The following GTF2IRD1 variants were observed in gnomAD, a reference collection of about 807,000 sequenced individuals.
GTF2IRD1 encodes GTF2I repeat domain containing 1.
A neutral mutation model predicts 113.2 loss-of-function variants in GTF2IRD1; 26 were observed. The ratio of observed to expected loss-of-function variants is 0.23; its 90% CI spans 0.17 to 0.32. The LOEUF (loss-of-function observed/expected upper bound fraction) is 0.32, where lower values mean the gene tolerates loss of function less well. Among genes scored for constraint, GTF2IRD1 ranks in the 10% least tolerant of loss-of-function variants. GTF2IRD1 has a pLI of 1.00. For missense variants in GTF2IRD1, 864 were observed against 1,280.8 expected (o/e 0.67, Z 4.97); for synonymous variants, 484 against 529.1 (o/e 0.91, Z 1.17).
intron 17 of GTF2IRD1, among the ~76,000 whole-genome samples, chr7:74,548,844 G>A (rs1163412630): frequency 6.6e-6 from 1 of 151,958 alleles, no homozygotes; most frequent in Non-Finnish European, 1.5e-5. Flanking sequence ...GGGTTTGGAG[G>A]CTCCAGTGAG....
intron 22 of GTF2IRD1, among the ~76,000 whole-genome samples, chr7:74,589,625 A>G (rs1801933335): frequency 6.6e-6 from 1 of 151,636 alleles, no homozygotes; most frequent in Non-Finnish European, 1.5e-5. Context: ...TTGAACCCAG[A>G]AGGCAGAGGT....
chr7:74,537,931 T>A (rs1372297277), intron 11 of GTF2IRD1, among the ~76,000 whole-genome samples: 2 of 152,140 alleles, frequency 1.3e-5, no homozygotes, highest in African/African-American at 4.8e-5. Flanking sequence ...CCCCTGGAGA[T>A]TGTGGTCCCT....
intron 5 of GTF2IRD1, 60 bp from the exon 6 acceptor site, chr7:74,519,349 A>C: frequency 2.3e-4 from 276 of 1,205,412 alleles, no homozygotes; most frequent in Non-Finnish European, 2.8e-4. Flanking sequence ...TTTCGGGGGA[A>C]GAGCTGCAAT....
rs587629098 is a variant in GTF2IRD1, at chr7:74,602,436, C to T, written c.*3C>T. ...TCCCGGGACCTCTTAATTACTAGAC[C>T]TCAGTACTGAATCAGGACCTCACTC... On this transcript the variant is annotated 3_prime_UTR_variant, in exon 27 of 27. Coordinates refer to ENST00000424337, the MANE Select transcript of GTF2IRD1 (RefSeq NM_005685.4). 1 of 1,611,084 alleles carries T rather than the reference C, an allele frequency of 6.2e-7. No homozygotes were observed. The highest frequency in any genetic ancestry group is 1.7e-5 in the Admixed American group (1 of 59,894).
chr7:74,574,578 G>A (rs1800901612), intron 22 of GTF2IRD1, among the ~76,000 whole-genome samples: 1 of 150,694 alleles, frequency 6.6e-6, no homozygotes, highest in African/African-American at 2.4e-5. Flanking sequence ...TCCTGCCTCA[G>A]CCTCCCAAGT....
At chr7:74,501,516 G>A (rs1796030573) in intron 1 of GTF2IRD1, among the ~76,000 whole-genome samples, 2 of 152,228 alleles carry the variant, frequency 1.3e-5, no homozygotes, top group South Asian at 2.1e-4. Context: ...CGTCATGGCC[G>A]AGCCCCTGGG....
rs1554356277 is a variant in GTF2IRD1, at chr7:74,555,126, A to T, written c.1917-48A>T. 3.8e-6 allele frequency: 6 copies of T among 1,576,172 alleles called. No individual in the cohort carries two copies. Among genetic ancestry groups the T allele is most frequent in the Non-Finnish European group, 5.2e-6 (6 of 1,149,298 alleles). On this transcript the variant is annotated intron_variant, in intron 17 of 26. Coordinates refer to ENST00000424337, the MANE Select transcript of GTF2IRD1 (RefSeq NM_005685.4). This position sits in a 1 kb window ranked among gnomAD's most constrained non-coding sequence, Gnocchi z 5.3. ...CCAGAGAGGAGGGCTGAGCAGTCCC[A>T]GAGATGCTTGGAGGGACCTCTGTGA... is the stretch of plus-strand genomic sequence containing the variant.
At chr7:74,571,696 G>A (rs1016096745) in intron 22 of GTF2IRD1, among the ~76,000 whole-genome samples, 7 of 152,018 alleles carry the variant, frequency 4.6e-5, no homozygotes, top group South Asian at 2.1e-4. Flanking sequence ...ATCCTGTCTC[G>A]ACAAAAAATA....
chr7:74,577,276 C>G (rs1485641201), intron 22 of GTF2IRD1, among the ~76,000 whole-genome samples: 3 of 152,112 alleles, frequency 2.0e-5, no homozygotes, highest in Non-Finnish European at 4.4e-5. Context: ...TGGCCTCAAG[C>G]GATCCACCCG....
At chr7:74,574,577 A>G (rs1222001884) in intron 22 of GTF2IRD1, among the ~76,000 whole-genome samples, 1 of 150,326 alleles carries the variant, frequency 6.7e-6, no homozygotes, top group East Asian at 2.0e-4. Context: ...CTCCTGCCTC[A>G]GCCTCCCAAG....
chr7:74,595,625 C>T (rs1382743206), intron 25 of GTF2IRD1, among the ~76,000 whole-genome samples: 1 of 152,150 alleles, frequency 6.6e-6, no homozygotes, highest in Non-Finnish European at 1.5e-5. Flanking sequence ...AAATATAGCC[C>T]CTCTCCACGC....
intron 1 of GTF2IRD1, among the ~76,000 whole-genome samples, chr7:74,504,961 C>T (rs993873538): frequency 6.6e-6 from 1 of 151,964 alleles, no homozygotes; most frequent in African/African-American, 2.4e-5. Flanking sequence ...GCCTGCTTCA[C>T]CCTCTCAAAG....
chr7:74,482,723 G>A (rs1794812637), intron 1 of GTF2IRD1, among the ~76,000 whole-genome samples: 1 of 152,104 alleles, frequency 6.6e-6, no homozygotes, highest in South Asian at 2.1e-4. Flanking sequence ...CCTGGCTTCA[G>A]AATGTGGCCT....
At chr7:74,540,923 G>A (rs1388016988) in intron 14 of GTF2IRD1, among the ~76,000 whole-genome samples, 1 of 151,694 alleles carries the variant, frequency 6.6e-6, no homozygotes, top group Non-Finnish European at 1.5e-5. Context: ...CACCACGCCT[G>A]GTTAATTTTT....
At position 74,519,956 on chromosome 7, in the gene GTF2IRD1, C is replaced by T. The variant is rs182622906; in HGVS notation, c.916+237C>T. 4.7e-3 allele frequency among the ~76,000 whole-genome samples: 709 copies of T among 151,764 alleles called. No homozygotes were observed. Among genetic ancestry groups the T allele is most frequent in the Non-Finnish European group, 8.2e-3 (556 of 67,890 alleles). ...TGGCCTTGGACTAAGAGGACGCCTG[C>T]GAGGACTCCCTGGGTCCCAGCTACT... On this transcript the variant is annotated intron_variant, in intron 6 of 26. Coordinates refer to ENST00000424337, the MANE Select transcript of GTF2IRD1 (RefSeq NM_005685.4).
chr7:74,533,167 C>T (rs1452075911), intron 9 of GTF2IRD1, among the ~76,000 whole-genome samples: 1 of 145,204 alleles, frequency 6.9e-6, no homozygotes, highest in East Asian at 2.0e-4. Flanking sequence ...TGGAGTCTCA[C>T]TCTATTGCCC....
chr7:74,496,474 G>T (rs1795710633), intron 1 of GTF2IRD1, among the ~76,000 whole-genome samples: 1 of 132,522 alleles, frequency 7.5e-6, no homozygotes, highest in African/African-American at 3.3e-5. Flanking sequence ...TGTTCATGTG[G>T]GTGTGCACGT....
At chr7:74,554,625 G>C (rs1799494321) in intron 17 of GTF2IRD1, among the ~76,000 whole-genome samples, 1 of 152,082 alleles carries the variant, frequency 6.6e-6, no homozygotes, top group Non-Finnish European at 1.5e-5. Flanking sequence ...TGCAACCTCT[G>C]CCTCCTGGGT....
At chr7:74,522,555 GA>G (rs1486177010) in intron 7 of GTF2IRD1, among the ~76,000 whole-genome samples, 36 of 152,108 alleles carry the variant, frequency 2.4e-4, no homozygotes, top group African/African-American at 8.2e-4. Context: ...AAGAAAGAAA[GA>G]AAACCCAGTC....
Sources: allele counts gnomAD v4.1 joint callset (sites outside exome capture counted in the v4.1 genomes callset), GRCh38; gene constraint gnomAD v4.1.1; non-coding constraint Gnocchi (gnomAD v3.1); transcripts MANE v1.5; gene names NCBI Gene and HGNC (gene_info 2026-07-23, HGNC 2026-07-21).